The following PLEKHG4B variants were observed in gnomAD, a reference collection of about 807,000 sequenced individuals.
PLEKHG4B encodes pleckstrin homology and RhoGEF domain containing G4B.
Under a neutral mutation model 121.3 loss-of-function variants are expected in PLEKHG4B, and 111 were observed. The observed-to-expected ratio is 0.92, with a 90% CI of 0.78 to 1.07. The LOEUF (loss-of-function observed/expected upper bound fraction) is 1.07, where lower values mean the gene tolerates loss of function less well. Ranked by LOEUF, PLEKHG4B falls within the 50% of genes least tolerant of loss-of-function variation. PLEKHG4B has a pLI of 0.00. For missense variants in PLEKHG4B, 1,831 were observed against 1,757.8 expected (o/e 1.04, Z -0.74); for synonymous variants, 738 against 725.0 (o/e 1.02, Z -0.29).
intron 9 of PLEKHG4B, among the ~76,000 whole-genome samples, 164 bp from the exon 10 acceptor site, chr5:155,907 T>G (rs1735761584): frequency 6.6e-6 from 1 of 151,768 alleles, no homozygotes. Flanking sequence ...GGGCCCACCC[T>G]CCCTGGGACA....
chr5:147,492 C>T (rs1367721845), intron 6 of PLEKHG4B, among the ~76,000 whole-genome samples: 2 of 152,152 alleles, frequency 1.3e-5, no homozygotes, highest in Admixed American at 1.3e-4. Context: ...GAAGAGCGCA[C>T]ACCTGCTGAG....
chr5:97,818 C>T (rs7727872), intron 1 of PLEKHG4B, among the ~76,000 whole-genome samples: 1 of 152,016 alleles, frequency 6.6e-6, no homozygotes, highest in Non-Finnish European at 1.5e-5. Context: ...AATGGAATTT[C>T]AAGATTCTGT....
At chr5:143,015 C>T in intron 3 of PLEKHG4B, 32 bp from the exon 4 acceptor site, 6 of 1,597,770 alleles carry the variant, frequency 3.8e-6, no homozygotes, top group Non-Finnish European at 5.1e-6. Context: ...GGAAAACCTT[C>T]ATCTTTGACA....
chr5:162,164 C>T (rs560702801), intron 12 of PLEKHG4B, among the ~76,000 whole-genome samples: 116 of 152,352 alleles, frequency 7.6e-4, no homozygotes, highest in African/African-American at 2.0e-3. Context: ...ACCAGCCAAA[C>T]GAACACACAC....
In PLEKHG4B at chr5:127,339, T is replaced by TA. The variant is rs1438151993; in HGVS notation, c.244-12144_244-12143insA. Among the ~76,000 whole-genome samples, 719 of 129,102 alleles carry TA rather than the reference T, an allele frequency of 5.6e-3. 6 individuals are homozygous for TA. Among genetic ancestry groups the TA allele is most frequent in the African/African-American group, 0.02 (661 of 32,998 alleles). 84.7% of individuals were successfully genotyped at this position (129,102 alleles called of 152,430 possible). On this transcript the variant is annotated intron_variant, in intron 2 of 19. Coordinates refer to ENST00000637938, the MANE Select transcript of PLEKHG4B (RefSeq NM_052909.5). Reference sequence around the variant, plus strand: ...ATCATTGTTTCTGCTTATTGTTGGTTTTTATTATTATTATTATTATTATTA... The same window carrying TA: ...ATCATTGTTTCTGCTTATTGTTGGTTATTTATTATTATTATTATTATTATTA...
rs1161701887 is a variant in PLEKHG4B at position 185,482 on chromosome 5, G to T, written c.*3159G>T. 1 of 152,256 alleles carries T rather than the reference G, an allele frequency of 6.6e-6. No homozygotes were observed. The highest frequency in any genetic ancestry group is 1.5e-5 in the Non-Finnish European group (1 of 68,066). The allele number at this position is 152,256 out of a possible 1,614,324, so 9.4% of individuals were successfully genotyped here. A position where few individuals can be genotyped will look rare whatever the true frequency, so the allele number is the denominator to read the frequency against. On this transcript the variant is annotated 3_prime_UTR_variant, in exon 20 of 20. Coordinates refer to ENST00000637938, the MANE Select transcript of PLEKHG4B (RefSeq NM_052909.5). The stretch of plus-strand genomic sequence containing the variant: ...AGAAGTCGTTACCTCTGCGTCCTGA[G>T]TATGGACAGCCACCATCACACAGCC...
intron 1 of PLEKHG4B, among the ~76,000 whole-genome samples, chr5:112,015 G>C (rs1734173627): frequency 6.6e-6 from 1 of 152,212 alleles, no homozygotes; most frequent in Admixed American, 6.5e-5. Context: ...GTGTGGCTCA[G>C]GTGTGATTTG....
intron 13 of PLEKHG4B, among the ~76,000 whole-genome samples, chr5:164,892 TCACACAGTAATGCTGTGACGGGGC>T (rs1560945718): frequency 3.2e-4 from 20 of 62,224 alleles, no homozygotes; most frequent in Non-Finnish European, 6.2e-4. Context: ...GGGGCGGAGC[TCACACAGTAATGCTGTGACGGGGC>T]GGAGCTCACA....
chr5:112,666 C>T (rs1332467630), intron 1 of PLEKHG4B, among the ~76,000 whole-genome samples: 1 of 152,182 alleles, frequency 6.6e-6, no homozygotes, highest in Non-Finnish European at 1.5e-5. Flanking sequence ...GGAGGGCACC[C>T]TAAGGTTTTC....
chr5:132,254 A>G (rs1734802148), intron 2 of PLEKHG4B, among the ~76,000 whole-genome samples: 1 of 152,284 alleles, frequency 6.6e-6, no homozygotes, highest in Non-Finnish European at 1.5e-5. Flanking sequence ...ATGATCTTGT[A>G]TTTGGAAAAC....
intron 2 of PLEKHG4B, among the ~76,000 whole-genome samples, chr5:114,923 G>A (rs1022991107): frequency 6.6e-6 from 1 of 152,116 alleles, no homozygotes; most frequent in South Asian, 2.1e-4. Context: ...ATGAGGGTTG[G>A]AATCAACCTC....
At chr5:125,428 A>G (rs1371502221) in intron 2 of PLEKHG4B, among the ~76,000 whole-genome samples, 1 of 152,214 alleles carries the variant, frequency 6.6e-6, no homozygotes, top group Non-Finnish European at 1.5e-5. Flanking sequence ...TTGAATTTAT[A>G]CAAGTTTAAC....
chr5:174,126 C>A (rs6890914), intron 18 of PLEKHG4B, 28 bp downstream of exon 18: 1,036,498 of 1,513,532 alleles, frequency 0.68, 361,950 homozygotes, highest in Non-Finnish European at 0.72. Flanking sequence ...GCAGGGCCTG[C>A]CAGGCTCAGG....
intron 11 of PLEKHG4B, among the ~76,000 whole-genome samples, chr5:158,431 T>TC: frequency 7.0e-6 from 1 of 142,488 alleles, no homozygotes; most frequent in Non-Finnish European, 1.5e-5. Flanking sequence ...CTCCTCCTTC[T>TC]CCTCTCCTCC....
In PLEKHG4B at chr5:163,401, G is replaced by A. The variant is rs1244089845; in HGVS notation, c.3329G>A (p.Gly1110Asp). The A allele has an allele frequency of 2.5e-6, 4 of 1,613,070 alleles. No individual in the cohort carries two copies. The highest frequency in any genetic ancestry group is 3.3e-5 in the Admixed American group (2 of 60,036). The change falls in exon 13 of 20, where the codon GGC (glycine) becomes GAC (aspartate). Residue 1110 changes from glycine (G) to aspartate (D), a missense_variant. Physicochemically the swap from Gly to Asp is moderately conservative, Grantham distance 94. Transcript: ENST00000637938. ...QPDHTSVFSK[G>D]LEVTSTVATE... ...GACCATACTAGTGTCTTCAGCAAGG[G>A]CCTGGAGGTAACCAGCACTGTAGCC...
At chr5:181,911 GT>G in intron 19 of PLEKHG4B, 92 bp from the exon 20 acceptor site, 1 of 1,431,956 alleles carries the variant, frequency 7.0e-7, no homozygotes, top group South Asian at 1.3e-5. Flanking sequence ...GCAAAGCCTG[GT>G]CGGCCTTTCA....
rs1183736139 is a variant in PLEKHG4B at position 143,388 on chromosome 5, G to A, written c.1696G>A (p.Asp566Asn). ...SGVVTLPGTR[D>N]RHGRAVVQVR... ...TGTCTCTGTCTCCGCAGGGACCCGAGACCGTCATGGCAGAGCAGTGGTGCA... is the reference window on the plus strand; with the variant it reads ...TGTCTCTGTCTCCGCAGGGACCCGAAACCGTCATGGCAGAGCAGTGGTGCA... The change falls in exon 5 of 20, where the codon GAC becomes AAC. Residue 566 changes from aspartate to asparagine, a missense_variant. Coordinates refer to ENST00000637938, the MANE Select transcript of PLEKHG4B (RefSeq NM_052909.5). The A allele has an allele frequency of 6.2e-7, 1 of 1,612,496 alleles. No individual in the cohort carries two copies. The highest frequency in any genetic ancestry group is 8.5e-7 in the Non-Finnish European group (1 of 1,179,798).
chr5:149,188 G>T (rs1415104718), intron 6 of PLEKHG4B, among the ~76,000 whole-genome samples: 1 of 152,042 alleles, frequency 6.6e-6, no homozygotes, highest in Non-Finnish European at 1.5e-5. Context: ...AATATCAGAG[G>T]CACCAGCAAC....
intron 13 of PLEKHG4B, among the ~76,000 whole-genome samples, chr5:168,549 G>A (rs532684948): frequency 3.9e-5 from 6 of 152,000 alleles, no homozygotes; most frequent in African/African-American, 1.2e-4. Context: ...TAGCAGAAGC[G>A]TCACTGCTGG....
Sources: gnomAD v4.1 joint callset for allele counts (sites outside exome capture counted in the v4.1 genomes callset) on GRCh38, gnomAD v4.1.1 for gene constraint, MANE v1.5 for transcripts, NCBI Gene and HGNC (gene_info 2026-07-23, HGNC 2026-07-21) for gene names.